Variants in LRFN2 observed in about 807,000 individuals in gnomAD.
LRFN2 encodes leucine-rich repeat and fibronectin type-III domain-containing protein 2.
LRFN2 carries 18 observed loss-of-function variants against 37.3 expected under a neutral mutation model. The ratio of observed to expected loss-of-function variants is 0.48; its 90% CI spans 0.33 to 0.72. The LOEUF (loss-of-function observed/expected upper bound fraction) is 0.72. Ranked by LOEUF, LRFN2 falls within the 30% of genes least tolerant of loss-of-function variation. The pLI, the probability that LRFN2 is intolerant of heterozygous loss-of-function variation, is 0.02. For missense variants in LRFN2, 1,006 were observed against 1,060.7 expected, an observed-to-expected ratio of 0.95 and a Z score of 0.72; for synonymous variants, 556 against 466.6, an observed-to-expected ratio of 1.19 and a Z score of -2.47.
intron 2 of LRFN2, among the ~76,000 whole-genome samples, chr6:40,416,606 T>C (rs1425532021): frequency 6.6e-6 from 1 of 152,178 alleles, no homozygotes; most frequent in East Asian, 1.9e-4. Context: ...AATAAGCAAC[T>C]GGACTGGTCC....
chr6:40,500,549 A>T (rs1170408946), intron 1 of LRFN2, among the ~76,000 whole-genome samples: 1 of 152,252 alleles, frequency 6.6e-6, no homozygotes, highest in East Asian at 1.9e-4. Context: ...AGCAGTGTAC[A>T]AGGAAATAAT....
Position 40,432,305 on chromosome 6 carries a change from C to A in LRFN2, c.809G>T (p.Gly270Val). ...ATGCCAGAAGTAGCGACCCTTGAGG[C>A]CCCCTGGGGAGCCACAGGTTTCCAG... is the stretch of plus-strand genomic sequence containing the variant. Reference protein sequence around the residue: ...DDLETCGSPGGLKGRYFWHVR... With the variant: ...DDLETCGSPGVLKGRYFWHVR... Residue 270 changes from glycine (G) to valine (V), a missense_variant, in exon 2 of 3, where the codon GGC (glycine) becomes GTC (valine). By Grantham distance (109) the Gly-to-Val change is moderately radical. This residue lies in a region of LRFN2 where 303 missense variants were observed against 299.8 expected (regional missense o/e 1.01). Transcript: ENST00000338305. 1.9e-6 allele frequency: 3 copies of A among 1,614,114 alleles called. No homozygotes were observed. The highest frequency in any genetic ancestry group is 1.1e-5 in the South Asian group (1 of 91,080).
At chr6:40,545,119 G>A (rs529030832) in intron 1 of LRFN2, among the ~76,000 whole-genome samples, 1 of 152,342 alleles carries the variant, frequency 6.6e-6, no homozygotes, top group African/African-American at 2.4e-5. Flanking sequence ...GAGATCATAT[G>A]AGCGAATTCA....
intron 1 of LRFN2, among the ~76,000 whole-genome samples, chr6:40,581,880 T>C (rs574269922): frequency 6.6e-6 from 1 of 152,342 alleles, no homozygotes; most frequent in East Asian, 1.9e-4. Flanking sequence ...TATCAAGGCC[T>C]ACTTTACAAT....
intron 1 of LRFN2, among the ~76,000 whole-genome samples, chr6:40,446,917 C>T (rs1250304229): frequency 6.7e-6 from 1 of 148,562 alleles, no homozygotes; most frequent in African/African-American, 2.5e-5. Context: ...CTCCCTCAGA[C>T]TGGGGCTTCC....
Position 40,539,192 on chromosome 6 carries a change from G to A in LRFN2, c.-19+47749C>T, listed in dbSNP as rs77325258. Among the ~76,000 whole-genome samples the A allele has an allele frequency of 0.01, 1,580 of 152,268 alleles. 84 individuals carry two copies. In the East Asian group the frequency reaches 0.15, roughly 14 times the overall value. ...CAGGGCCAGACCTCAGAGGGCAGAG[G>A]CTAAGGAACAGCTGTTAGCCACGGA... On this transcript the variant is annotated intron_variant, in intron 1 of 2. Transcript: ENST00000338305.
intron 1 of LRFN2, among the ~76,000 whole-genome samples, chr6:40,450,431 A>G (rs1187591583): frequency 6.6e-6 from 1 of 152,228 alleles, no homozygotes; most frequent in African/African-American, 2.4e-5. Flanking sequence ...ATTGCACTGA[A>G]GTTAAATGTC....
At chr6:40,450,166 G>A (rs553873122) in intron 1 of LRFN2, among the ~76,000 whole-genome samples, 1 of 152,204 alleles carries the variant, frequency 6.6e-6, no homozygotes, top group South Asian at 2.1e-4. Flanking sequence ...TGTCCTCACC[G>A]GCCTCCTTAC....
At chr6:40,492,999 T>C (rs772133592) in intron 1 of LRFN2, among the ~76,000 whole-genome samples, 9 of 151,796 alleles carry the variant, frequency 5.9e-5, no homozygotes, top group Middle Eastern at 3.2e-3. Flanking sequence ...GTTACAGGCA[T>C]GAGGGGGAAT....
chr6:40,585,925 C>T (rs1223141997), intron 1 of LRFN2, among the ~76,000 whole-genome samples: 1 of 152,132 alleles, frequency 6.6e-6, no homozygotes, highest in Non-Finnish European at 1.5e-5. Context: ...ATGCCTGTAA[C>T]TCCAACTCAA....
chr6:40,474,268 T>C (rs1341499909), intron 1 of LRFN2, among the ~76,000 whole-genome samples: 1 of 152,128 alleles, frequency 6.6e-6, no homozygotes, highest in Non-Finnish European at 1.5e-5. Context: ...AGGCCCATAT[T>C]CTTTCAGGAG....
intron 1 of LRFN2, among the ~76,000 whole-genome samples, chr6:40,568,684 T>TTTCC (rs369194708): frequency 0.13 from 17,568 of 131,774 alleles, 1,346 homozygotes; most frequent in East Asian, 0.21. Context: ...GTCTCCCCCA[T>TTTCC]TTCCTTCCTT....
At chr6:40,544,778 T>C (rs1766624724) in intron 1 of LRFN2, among the ~76,000 whole-genome samples, 1 of 152,186 alleles carries the variant, frequency 6.6e-6, no homozygotes, top group African/African-American at 2.4e-5. Flanking sequence ...GCAGAAAAAG[T>C]GATACTGGCC....
In LRFN2 at chr6:40,392,944, G is replaced by T. The variant is rs376128751; in HGVS notation, c.1401-32C>A. 1 of 1,575,144 alleles carries T rather than the reference G, an allele frequency of 6.3e-7. No homozygotes were observed. The highest frequency in any genetic ancestry group is 1.7e-5 in the Admixed American group (1 of 58,246). ...AGGGAGGTGGACAGAAATAGTGAGG[G>T]GTGGTGGGGTGGAAGGACAGGGTGA... is the stretch of plus-strand genomic sequence containing the variant. On this transcript the variant is annotated intron_variant, in intron 2 of 2. Coordinates refer to ENST00000338305, the MANE Select transcript of LRFN2 (RefSeq NM_020737.3). This position sits in a 1 kb window ranked among gnomAD's most constrained non-coding sequence, Gnocchi z 4.7.
chr6:40,420,946 G>A (rs1204996962), intron 2 of LRFN2, among the ~76,000 whole-genome samples: 1 of 152,218 alleles, frequency 6.6e-6, no homozygotes, highest in South Asian at 2.1e-4. Context: ...CACCCCTAAT[G>A]GGAGCCCCTG....
intron 2 of LRFN2, among the ~76,000 whole-genome samples, chr6:40,404,646 C>T (rs1051557730): frequency 2.0e-5 from 3 of 152,206 alleles, no homozygotes; most frequent in East Asian, 3.8e-4. Context: ...CTATGCAGCC[C>T]TATCCATGTA....
chr6:40,518,900 G>A (rs969030891), intron 1 of LRFN2, among the ~76,000 whole-genome samples: 3 of 152,168 alleles, frequency 2.0e-5, no homozygotes, highest in African/African-American at 7.2e-5. Context: ...GAAGGTGGGT[G>A]GGCGAGGGGG....
intron 1 of LRFN2, among the ~76,000 whole-genome samples, chr6:40,505,664 G>T (rs1240123606): frequency 6.6e-6 from 1 of 152,212 alleles, no homozygotes. Context: ...ACAGGGAGCA[G>T]CTCTTTCATA....
At chr6:40,506,926 G>GA (rs148339312) in intron 1 of LRFN2, among the ~76,000 whole-genome samples, 1,589 of 149,830 alleles carry the variant, frequency 0.011, 27 homozygotes, top group African/African-American at 0.036. Context: ...ATGTAAAGCT[G>GA]AAAAAAAAAG....
Sources: allele counts gnomAD v4.1 joint callset (sites outside exome capture counted in the v4.1 genomes callset), GRCh38; gene constraint gnomAD v4.1.1; regional missense constraint gnomAD v4.1.1; non-coding constraint Gnocchi (gnomAD v3.1); transcripts MANE v1.5; gene names NCBI Gene and HGNC (gene_info 2026-07-23, HGNC 2026-07-21).